Variants in TASOR2 observed in about 807,000 individuals in gnomAD.
TASOR2 encodes protein TASOR 2.
TASOR2 carries 84 observed loss-of-function variants against 199.5 expected under a neutral mutation model. The observed-to-expected ratio is 0.42, with a 90% confidence interval of 0.35 to 0.50. The LOEUF is 0.50. TASOR2 is among the 20% of genes least tolerant of loss of function. The pLI, the probability that TASOR2 is intolerant of heterozygous loss-of-function variation, is 0.02. For missense variants in TASOR2, 2,796 were observed against 2,835.9 expected, an observed-to-expected ratio of 0.99 and a Z score of 0.32; for synonymous variants, 1,103 against 1,046.6, an observed-to-expected ratio of 1.05 and a Z score of -1.04.
rs114396246 is a variant in TASOR2 at position 5,750,670 on chromosome 10, C to T, written c.6606+643C>T. Among the ~76,000 whole-genome samples, 2,074 of 152,260 alleles carry T rather than the reference C, an allele frequency of 0.014. 48 individuals are homozygous for T. Among genetic ancestry groups the T allele is most frequent in the African/African-American group, 0.048 (1,982 of 41,536 alleles). On this transcript the variant is annotated intron_variant, in intron 15 of 20. Transcript: ENST00000328090. The surrounding 1 kb of genome is among the most constrained non-coding windows in gnomAD (Gnocchi z 5.4). ...TTACATAAAGGTTGCAGAAATAGTA[C>T]CCTTTACCCAGATACCCCAATATTA... is the stretch of plus-strand genomic sequence containing the variant.
chr10:5,727,528 C>T (rs1052836204), intron 10 of TASOR2, among the ~76,000 whole-genome samples: 2 of 152,084 alleles, frequency 1.3e-5, no homozygotes, highest in Non-Finnish European at 2.9e-5. Context: ...GATGTTGATC[C>T]ACCCAGAGGA....
intron 2 of TASOR2, among the ~76,000 whole-genome samples, chr10:5,716,896 A>G (rs1832719978): frequency 1.3e-5 from 2 of 149,146 alleles, no homozygotes; most frequent in South Asian, 4.2e-4. Flanking sequence ...CTCTAAATAT[A>G]AATGTATATA....
rs1275009557 is a variant in TASOR2 at position 5,687,847 on chromosome 10, T to C, written c.-288+2672T>C. On this transcript the variant is annotated intron_variant, in intron 1 of 20. Transcript: ENST00000328090. The surrounding 1 kb of genome is among the most constrained non-coding windows in gnomAD (Gnocchi z 4.8). Reference sequence around the variant, plus strand: ...GACTGCTGAAGATCCCAAAGATCTTTTGTTTATTGGATTATATCAATTGAT... The same window carrying C: ...GACTGCTGAAGATCCCAAAGATCTTCTGTTTATTGGATTATATCAATTGAT... Among the ~76,000 whole-genome samples the C allele has an allele frequency of 6.6e-6, 1 of 152,244 alleles. No homozygotes were observed. Among genetic ancestry groups the C allele is most frequent in the Non-Finnish European group, 1.5e-5 (1 of 68,040 alleles).
At chr10:5,759,804 C>T (rs919923092) in intron 18 of TASOR2, among the ~76,000 whole-genome samples, 2 of 152,184 alleles carry the variant, frequency 1.3e-5, no homozygotes, top group Admixed American at 6.5e-5. Context: ...GTGGAGCTAG[C>T]AAAGGAGAGA....
exon 21 of TASOR2, chr10:5,763,334 A>AAACAT: frequency 6.8e-6 from 2 of 292,268 alleles, no homozygotes; most frequent in Non-Finnish European, 1.2e-5. Flanking sequence ...ACTTAGTTGG[A>AAACAT]GCAAAAATAA....
chr10:5,729,267 G>C (rs1343612129), intron 10 of TASOR2, among the ~76,000 whole-genome samples: 1 of 152,200 alleles, frequency 6.6e-6, no homozygotes, highest in Non-Finnish European at 1.5e-5. Context: ...AGAATTGCTT[G>C]AACCCAGGAG....
rs183482511 is a variant in TASOR2, at chr10:5,717,004, A to G, written c.-191-655A>G. On this transcript the variant is annotated intron_variant, in intron 2 of 20. Coordinates refer to ENST00000328090, the Ensembl canonical transcript of TASOR2. ...CTGGAGAATCTGAAAGTAAATTACA[A>G]ATAACCACTGCAGCTTACATCTCAA... Among the ~76,000 whole-genome samples, 764 of 145,654 alleles carry G rather than the reference A, an allele frequency of 5.2e-3. 26 individuals carry two copies. The highest frequency in any genetic ancestry group is 0.012 in the East Asian group (62 of 5,056).
intron 10 of TASOR2, among the ~76,000 whole-genome samples, chr10:5,727,631 A>T (rs963467008): frequency 6.6e-6 from 1 of 152,188 alleles, no homozygotes; most frequent in Non-Finnish European, 1.5e-5. Flanking sequence ...TTGGAGGTCA[A>T]TATGGGGGAA....
chr10:5,735,601 G>T (rs1205178457), intron 12 of TASOR2, 55 bp downstream of exon 13: 1 of 1,560,480 alleles, frequency 6.4e-7, no homozygotes, highest in Non-Finnish European at 8.6e-7. Context: ...CTAACAGAGA[G>T]TGCAAGATAA....
intron 1 of TASOR2, among the ~76,000 whole-genome samples, chr10:5,693,751 A>G (rs576316392): frequency 6.6e-6 from 1 of 152,334 alleles, no homozygotes; most frequent in East Asian, 1.9e-4. Flanking sequence ...TTAAAATTTC[A>G]GATAATATAT....
Position 5,751,970 on chromosome 10 carries a change from G to A in TASOR2, c.6606+1943G>A, listed in dbSNP as rs1838100432. ...TGACTCTGTTTATCCTCAGTGTTTTGACTTATTGTCCCTCCCAAGTCCCCC... is the reference window on the plus strand; with the variant it reads ...TGACTCTGTTTATCCTCAGTGTTTTAACTTATTGTCCCTCCCAAGTCCCCC... On this transcript the variant is annotated intron_variant, in intron 15 of 20. Transcript: ENST00000328090. The surrounding 1 kb of genome is among the most constrained non-coding windows in gnomAD (Gnocchi z 5.3). 6.6e-6 allele frequency among the ~76,000 whole-genome samples: 1 copy of A among 151,990 alleles called. No individual in the cohort carries two copies. Among genetic ancestry groups the A allele is most frequent in the Non-Finnish European group, 1.5e-5 (1 of 67,996 alleles).
At chr10:5,728,369 G>A (rs1056946258) in intron 10 of TASOR2, among the ~76,000 whole-genome samples, 1 of 151,750 alleles carries the variant, frequency 6.6e-6, no homozygotes, top group African/African-American at 2.4e-5. Context: ...TAGGCAGGGT[G>A]GCTCACGCCT....
intron 6 of TASOR2, among the ~76,000 whole-genome samples, chr10:5,723,119 T>C (rs1399511804): frequency 8.0e-6 from 1 of 124,442 alleles, no homozygotes; most frequent in Non-Finnish European, 1.6e-5. Flanking sequence ...CGGCACAATC[T>C]CAGCTCACTG....
In TASOR2 at chr10:5,758,868, T is replaced by C. The variant is rs991499122; in HGVS notation, c.6887-19T>C. On this transcript the variant is annotated intron_variant, in intron 17 of 20. Coordinates refer to ENST00000328090, the Ensembl canonical transcript of TASOR2. ...CCTTAAACTTGTCATCTTCTTTTGC[T>C]ACATTTATTGTTTTGTAGTTCAACT... 3.2e-6 allele frequency: 5 copies of C among 1,555,880 alleles called. No homozygotes were observed. The African/African-American group carries it at 4.1e-5, about 13-fold the overall frequency.
chr10:5,689,557 G>A lies in TASOR2; in HGVS notation c.-288+4382G>A, dbSNP rs906291107. Among the ~76,000 whole-genome samples, 1 of 151,986 alleles carries A rather than the reference G, an allele frequency of 6.6e-6. No individual in the cohort carries two copies. Among genetic ancestry groups the A allele is most frequent in the African/African-American group, 2.4e-5 (1 of 41,366 alleles). On this transcript the variant is annotated intron_variant, in intron 1 of 20. Coordinates refer to ENST00000328090, the Ensembl canonical transcript of TASOR2. The surrounding 1 kb of genome is among the most constrained non-coding windows in gnomAD (Gnocchi z 4.1). The stretch of plus-strand genomic sequence containing the variant: ...AGAGGTTGCAGTGAGCAGAGATCAC[G>A]CCACTGCACTCCAGCCTGGGCGACA...
rs1019218380 is a variant in TASOR2, at chr10:5,719,343, TTTTG to T, written c.-99-1189_-99-1186del. On this transcript the variant is annotated intron_variant, in intron 3 of 20. Transcript: ENST00000328090. The surrounding 1 kb of genome is among the most constrained non-coding windows in gnomAD (Gnocchi z 4.1). Reference sequence around the variant, plus strand: ...AACTTGGCTTACTTGCTTTTTATTTTTTTGTTTGTTTGTTTTTTGAGACAGAGTC... The same window carrying T: ...AACTTGGCTTACTTGCTTTTTATTTTTTTGTTTGTTTTTTGAGACAGAGTC... Among the ~76,000 whole-genome samples the T allele has an allele frequency of 3.9e-5, 6 of 152,144 alleles. No homozygotes were observed. The highest frequency in any genetic ancestry group is 1.3e-4 in the Admixed American group (2 of 15,270).
chr10:5,735,897 A>G (rs1835501621), intron 12 of TASOR2, among the ~76,000 whole-genome samples: 1 of 152,264 alleles, frequency 6.6e-6, no homozygotes, highest in Non-Finnish European at 1.5e-5. Context: ...TTATAAAAAT[A>G]GAAGATTATA....
At chr10:5,724,668 T>TAGATAC in intron 8 of TASOR2, 135 bp downstream of exon 9, 1 of 182,934 alleles carries the variant, frequency 5.5e-6, no homozygotes, top group East Asian at 1.5e-4. Context: ...GATATAGATA[T>TAGATAC]ATAGATATAG....
intron 14 of TASOR2, among the ~76,000 whole-genome samples, chr10:5,743,670 T>C (rs1401517425): frequency 6.6e-6 from 1 of 152,090 alleles, no homozygotes; most frequent in Non-Finnish European, 1.5e-5. Context: ...AATAAGAAAA[T>C]ATAGTCTAGT....
Sources: gnomAD v4.1 joint callset for allele counts (sites outside exome capture counted in the v4.1 genomes callset) on GRCh38, gnomAD v4.1.1 for gene constraint, Gnocchi (gnomAD v3.1) non-coding constraint, MANE v1.5 for transcripts, NCBI Gene and HGNC (gene_info 2026-07-23, HGNC 2026-07-21) for gene names.